The following EAF2 variants were observed in gnomAD, a reference collection of about 807,000 sequenced individuals.
EAF2 encodes the protein ELL associated factor 2.
EAF2 carries 29 observed loss-of-function variants against 29.4 expected under a neutral mutation model. The ratio of observed to expected loss-of-function variants is 0.99; its 90% CI spans 0.73 to 1.35. The LOEUF (loss-of-function observed/expected upper bound fraction) is 1.35, where lower values mean the gene tolerates loss of function less well. EAF2 is among the 40% of genes most tolerant of loss of function. EAF2 has a pLI of 0.00. For synonymous variants in EAF2, 103 were observed against 102.5 expected (o/e 1.00, Z -0.03); for missense variants, 292 against 312.0 (o/e 0.94, Z 0.48).
intron 5 of EAF2, among the ~76,000 whole-genome samples, chr3:121,884,449 G>A (rs1042793792): frequency 2.2e-4 from 33 of 149,384 alleles, no homozygotes; most frequent in African/African-American, 8.1e-4. Flanking sequence ...TTTTTTTTGA[G>A]AAGGAGTTTC....
intron 1 of EAF2, among the ~76,000 whole-genome samples, chr3:121,843,453 G>C (rs7649585): frequency 0.37 from 55,699 of 151,604 alleles, 10,689 homozygotes; most frequent in African/African-American, 0.42. Flanking sequence ...CTGGGAGGGG[G>C]CTCCGTGGAG....
In EAF2 at chr3:121,872,492, G is replaced by C. The variant is rs371536357; in HGVS notation, c.485-45G>C. ...ATTCAATTTTTATTATATTTATTTA[G>C]CATTTTTTATTTAACCTATCTATTC... On this transcript the variant is annotated intron_variant, in intron 4 of 5. Transcript: ENST00000273668. The C allele has an allele frequency of 2.9e-6, 4 of 1,381,756 alleles. No individual in the cohort carries two copies. In the African/African-American group the frequency reaches 4.4e-5, roughly 15 times the overall value. 85.6% of individuals were successfully genotyped at this position (1,381,756 alleles called of 1,614,324 possible).
At chr3:121,880,462 G>GTT (rs1559831405) in intron 5 of EAF2, among the ~76,000 whole-genome samples, 3 of 92,758 alleles carry the variant, frequency 3.2e-5, no homozygotes, top group African/African-American at 4.6e-5. Context: ...TGGGGTGTGT[G>GTT]TGTGTGTGTG....
chr3:121,886,321 G>T, intron 5 of EAF2, 21 bp from the exon 6 acceptor site: 1 of 1,444,146 alleles, frequency 6.9e-7, no homozygotes, highest in Non-Finnish European at 9.3e-7. Context: ...CTACAGTTTT[G>T]TTATTTCTTT....
intron 5 of EAF2, among the ~76,000 whole-genome samples, chr3:121,877,038 TAA>T (rs1230727186): frequency 4.6e-5 from 7 of 151,998 alleles, no homozygotes; most frequent in African/African-American, 1.7e-4. Flanking sequence ...AGCTAAGTAG[TAA>T]TTATAACAAA....
At chr3:121,854,970 T>C in intron 3 of EAF2, 147 bp downstream of exon 3, 1 of 867,760 alleles carries the variant, frequency 1.2e-6, no homozygotes, top group Non-Finnish European at 1.6e-6. Context: ...TTAAATTTGG[T>C]GGAGATCCTA....
intron 5 of EAF2, among the ~76,000 whole-genome samples, chr3:121,882,359 A>G (rs2107550603): frequency 6.6e-6 from 1 of 152,036 alleles, no homozygotes; most frequent in East Asian, 1.9e-4. Context: ...AAAAAAAAAA[A>G]AAAAGTAAAA....
chr3:121,844,079 G>A (rs1559817418), intron 1 of EAF2, among the ~76,000 whole-genome samples: 1 of 151,970 alleles, frequency 6.6e-6, no homozygotes. Flanking sequence ...AAAATTTATT[G>A]GAAAAAAGGA....
chr3:121,836,475 G>T (rs755542179), intron 1 of EAF2, among the ~76,000 whole-genome samples: 1 of 152,140 alleles, frequency 6.6e-6, no homozygotes, highest in African/African-American at 2.4e-5. Context: ...CAAAGTAAAG[G>T]TATGAAGAAC....
Position 121,844,515 on chromosome 3 carries a change from G to A in EAF2, c.169G>A (p.Glu57Lys). 1 of 1,611,130 alleles carries A rather than the reference G, an allele frequency of 6.2e-7. No individual in the cohort carries two copies. Among genetic ancestry groups the A allele is most frequent in the East Asian group, 2.2e-5 (1 of 44,538 alleles). Residue 57 changes from glutamate (E) to lysine (K), a missense_variant, in exon 2 of 6, where the codon GAA (glutamate) becomes AAA (lysine). Transcript: ENST00000273668. ...SEGYLEVGEGEQVTITLPNIE... is the reference protein window; with the variant it reads ...SEGYLEVGEGKQVTITLPNIE... ...AGGATACCTTGAGGTTGGTGAAGGT[G>A]AACAGGTGACCATAACTCTGCCAAA...
At position 121,854,991 on chromosome 3, in the gene EAF2, G is replaced by A. The variant is rs547312918; in HGVS notation, c.338+168G>A. 2.2e-4 allele frequency among the ~76,000 whole-genome samples: 34 copies of A among 152,160 alleles called. No homozygotes were observed. The South Asian group carries it at 2.3e-3, about 10-fold the overall frequency. ...TTGGTGGAGATCCTAAGCAAAAAGC[G>A]TTTTACCACATTACCCTGTGATATA... On this transcript the variant is annotated intron_variant, in intron 3 of 5. Transcript: ENST00000273668.
chr3:121,861,737 C>T (rs535545661), intron 4 of EAF2, among the ~76,000 whole-genome samples: 4 of 152,186 alleles, frequency 2.6e-5, no homozygotes, highest in African/African-American at 7.2e-5. Flanking sequence ...TTATTTTGCT[C>T]GTTAGTTTAT....
At chr3:121,841,395 C>T (rs915272877) in intron 1 of EAF2, among the ~76,000 whole-genome samples, 3 of 150,860 alleles carry the variant, frequency 2.0e-5, no homozygotes, top group Admixed American at 2.0e-4. Flanking sequence ...ATCTCAGCTA[C>T]TCAGGAGGCT....
chr3:121,842,465 T>TG (rs1205884806), intron 1 of EAF2, among the ~76,000 whole-genome samples: 1 of 152,188 alleles, frequency 6.6e-6, no homozygotes, highest in Non-Finnish European at 1.5e-5. Context: ...TTGCAGTTCG[T>TG]TTTTCTAGCT....
chr3:121,875,484 C>T (rs1367997569), intron 5 of EAF2, among the ~76,000 whole-genome samples: 1 of 151,788 alleles, frequency 6.6e-6, no homozygotes, highest in Non-Finnish European at 1.5e-5. Context: ...ACTACAAAAC[C>T]CTGTCAGAGT....
chr3:121,885,019 T>G (rs1172591760), intron 5 of EAF2, among the ~76,000 whole-genome samples: 5 of 152,216 alleles, frequency 3.3e-5, no homozygotes, highest in African/African-American at 4.8e-5. Flanking sequence ...AGCTCCAGAC[T>G]TGTATATCCA....
chr3:121,855,454 G>C (rs1387310069), intron 3 of EAF2, among the ~76,000 whole-genome samples: 1 of 152,166 alleles, frequency 6.6e-6, no homozygotes, highest in African/African-American at 2.4e-5. Flanking sequence ...TGTACCTTAA[G>C]AGGAGGTTAG....
chr3:121,841,135 GA>G (rs1468404945), intron 1 of EAF2, among the ~76,000 whole-genome samples: 3 of 152,178 alleles, frequency 2.0e-5, no homozygotes, highest in African/African-American at 7.2e-5. Flanking sequence ...AGATGTAAAT[GA>G]TGAACGACAT....
intron 5 of EAF2, among the ~76,000 whole-genome samples, chr3:121,881,007 T>A (rs1297821406): frequency 6.6e-6 from 1 of 152,246 alleles, no homozygotes; most frequent in East Asian, 1.9e-4. Context: ...TCCTTCATTA[T>A]GTTGGTGTGA....
Sources: allele counts gnomAD v4.1 joint callset (sites outside exome capture counted in the v4.1 genomes callset), GRCh38; gene constraint gnomAD v4.1.1; transcripts MANE v1.5; gene names NCBI Gene and HGNC (gene_info 2026-07-23, HGNC 2026-07-21).